Variants in HSH2D observed in about 807,000 individuals in gnomAD.
HSH2D encodes the protein hematopoietic SH2 domain-containing protein.
In HSH2D, 16 loss-of-function variants were observed where a neutral mutation model predicts 21.5. The ratio of observed to expected loss-of-function variants is 0.74; its 90% CI spans 0.50 to 1.13. The LOEUF is 1.13. Ranked by LOEUF, HSH2D falls within the 50% of genes most tolerant of loss-of-function variation. The probability of loss-of-function intolerance (pLI) is 0.00; values close to 1 mark genes in which losing one functional copy is unlikely to be tolerated. For synonymous variants in HSH2D, 172 were observed against 184.7 expected, an observed-to-expected ratio of 0.93 and a Z score of 0.56; for missense variants, 418 against 441.4, an observed-to-expected ratio of 0.95 and a Z score of 0.47.
intron 2 of HSH2D, among the ~76,000 whole-genome samples, chr19:16,149,673 ATC>A (rs2145041433): frequency 6.9e-6 from 1 of 144,818 alleles, no homozygotes; most frequent in South Asian, 2.2e-4. Flanking sequence ...TGCAGCCTCT[ATC>A]TCCTGGGTTC....
At chr19:16,137,803 G>T (rs1482435731) in intron 1 of HSH2D, among the ~76,000 whole-genome samples, 2 of 151,994 alleles carry the variant, frequency 1.3e-5, no homozygotes, top group Admixed American at 1.3e-4. Context: ...GTCTTGAACT[G>T]GCCTCAAGTG....
intron 2 of HSH2D, among the ~76,000 whole-genome samples, chr19:16,151,285 A>G (rs1305228048): frequency 6.7e-6 from 1 of 149,324 alleles, no homozygotes; most frequent in African/African-American, 2.5e-5. Context: ...AGATTGCATC[A>G]TTGCACTCCA....
intron 1 of HSH2D, 133 bp downstream of exon 1, chr19:16,143,907 G>A (rs531704908): frequency 3.5e-4 from 93 of 267,010 alleles, no homozygotes; most frequent in African/African-American, 1.9e-3. Context: ...AGAGCTTCGT[G>A]GAGGAGGGGG....
chr19:16,138,681 C>T (rs1250128401), intron 1 of HSH2D, among the ~76,000 whole-genome samples: 1 of 151,986 alleles, frequency 6.6e-6, no homozygotes, highest in African/African-American at 2.4e-5. Context: ...TGGTCTCGAT[C>T]CCTTGACTTC....
chr19:16,144,210 C>A (rs368199656), intron 1 of HSH2D, among the ~76,000 whole-genome samples: 43 of 152,002 alleles, frequency 2.8e-4, no homozygotes, highest in East Asian at 1.4e-3. Context: ...AACACAGGAA[C>A]CTAGCCCTAA....
chr19:16,154,873 A>G, intron 5 of HSH2D: 1 of 184,146 alleles, frequency 5.4e-6, no homozygotes, highest in Non-Finnish European at 1.2e-5. Context: ...CCCAGACCTA[A>G]AGCAACACCT....
chr19:16,152,703 G>A, intron 3 of HSH2D, 62 bp downstream of exon 3: 2 of 1,213,736 alleles, frequency 1.6e-6, no homozygotes, highest in Non-Finnish European at 2.4e-6. Flanking sequence ...CTTGGAGGGG[G>A]CAAGGGGTGC....
Position 16,157,415 on chromosome 19 carries a change from CT to C in HSH2D, c.681del (p.Val228Ter), listed in dbSNP as rs779580104. 4 of 1,613,962 alleles carry C rather than the reference CT, an allele frequency of 2.5e-6. No homozygotes were observed. ...CAGCAGCTAAAAAGCCACCTCGCCA[CT>C]GTGAACTTGTCGTCACTCTTGGATG... is the stretch of plus-strand genomic sequence containing the variant. ...VRQQLKSHLA[T>X]VNLSSLLDVR... On this transcript the variant is annotated frameshift_variant, in exon 6 of 6. Coordinates refer to ENST00000613986, the MANE Select transcript of HSH2D (RefSeq NM_001382417.1). LOFTEE classifies it low-confidence loss of function (END_TRUNC). The surrounding 1 kb of genome is among the most constrained non-coding windows in gnomAD (Gnocchi z 4.4).
Position 16,154,408 on chromosome 19 carries a change from G to A in HSH2D, c.391G>A (p.Ala131Thr), listed in dbSNP as rs1404486878. 12 of 1,550,230 alleles carry A rather than the reference G, an allele frequency of 7.7e-6. No individual in the cohort carries two copies. In the South Asian group the frequency reaches 1.1e-4, roughly 14 times the overall value. Residue 131 changes from alanine (A) to threonine (T), a missense_variant, in exon 5 of 6, where the codon GCA becomes ACA. Physicochemically the swap from Ala to Thr is moderately conservative, Grantham distance 58. Transcript: ENST00000613986. ...CCCTTCCGCCCTGCAGAAGGATCCCGCAAACGTGGATTACGAGGATCTCTT... is the reference window on the plus strand; with the variant it reads ...CCCTTCCGCCCTGCAGAAGGATCCCACAAACGTGGATTACGAGGATCTCTT... The part of the protein sequence containing the change: ...LTQPCRQKDP[A>T]NVDYEDLFLY...
At chr19:16,136,854 A>G (rs2090967448) in intron 1 of HSH2D, among the ~76,000 whole-genome samples, 1 of 152,210 alleles carries the variant, frequency 6.6e-6, no homozygotes, top group Non-Finnish European at 1.5e-5. Context: ...TATAACACCT[A>G]GTCCAACCAA....
chr19:16,152,617 ATG>A lies in HSH2D; in HGVS notation c.194_195del (p.Val65GlyfsTer22). ...TTTCTCATCAGGGTCAGTCACAGCC[ATG>A]TGGGCTACACACTCTCCTACAAGTA... On this transcript the variant is annotated frameshift_variant, in exon 3 of 6. Coordinates refer to ENST00000613986, the MANE Select transcript of HSH2D (RefSeq NM_001382417.1). LOFTEE classifies it high-confidence loss of function. 1 of 1,524,998 alleles carries A rather than the reference ATG, an allele frequency of 6.6e-7. No homozygotes were observed. The highest frequency in any genetic ancestry group is 2.3e-5 in the East Asian group (1 of 44,018). 94.5% of individuals were successfully genotyped at this position (1,524,998 alleles called of 1,614,324 possible).
chr19:16,157,514 C>G lies in HSH2D; in HGVS notation c.779C>G (p.Ser260Trp). Reference protein sequence around the residue: ...GSQDHSGDPTSGDRGYTDPCV... With the variant: ...GSQDHSGDPTWGDRGYTDPCV... ...CAAGATCACTCAGGGGATCCCACCTCGGGGGACAGAGGCTACACGGATCCC... is the reference window on the plus strand; with the variant it reads ...CAAGATCACTCAGGGGATCCCACCTGGGGGGACAGAGGCTACACGGATCCC... Residue 260 changes from serine to tryptophan, a missense_variant, in exon 6 of 6, where the codon TCG (serine) becomes TGG (tryptophan). Physicochemically the swap from Ser to Trp is radical, Grantham distance 177. Transcript: ENST00000613986. This position sits in a 1 kb window ranked among gnomAD's most constrained non-coding sequence, Gnocchi z 4.4. 6.2e-7 allele frequency: 1 copy of G among 1,613,962 alleles called. No homozygotes were observed. The highest frequency in any genetic ancestry group is 1.3e-5 in the African/African-American group (1 of 75,056).
chr19:16,145,263 A>G (rs2145028034), intron 1 of HSH2D, among the ~76,000 whole-genome samples: 1 of 151,970 alleles, frequency 6.6e-6, no homozygotes, highest in East Asian at 1.9e-4. Context: ...CCCAGGCTGG[A>G]GTGCAGTGGC....
intron 5 of HSH2D, among the ~76,000 whole-genome samples, chr19:16,155,313 G>A (rs1199538117): frequency 1.3e-5 from 2 of 152,116 alleles, no homozygotes; most frequent in East Asian, 3.9e-4. Context: ...CTTCCTAGAG[G>A]AGGTGGCTTA....
At chr19:16,139,536 G>T (rs759876865), upstream of HSH2D, among the ~76,000 whole-genome samples, 8 of 152,134 alleles carry the variant, frequency 5.3e-5, no homozygotes, top group Non-Finnish European at 1.2e-4. Context: ...GAGCTATGAT[G>T]GCACAGTGCA....
chr19:16,135,409 A>G (rs1478947616), intron 1 of HSH2D, among the ~76,000 whole-genome samples: 1 of 151,950 alleles, frequency 6.6e-6, no homozygotes, highest in Non-Finnish European at 1.5e-5. Context: ...AGCCTGGGTG[A>G]CAGAGCAAGA....
chr19:16,137,240 G>T (rs541778008), intron 1 of HSH2D, among the ~76,000 whole-genome samples: 1 of 152,210 alleles, frequency 6.6e-6, no homozygotes, highest in Admixed American at 6.5e-5. Flanking sequence ...GGAGGCACAG[G>T]TACATACATA....
At position 16,148,792 on chromosome 19, in the gene HSH2D, G is replaced by T; in HGVS notation, c.42G>T (p.Arg14=). ...AGCTGCCCCTACCGCTACCCCCACG[G>T]CTGGACTGGTTTGTGCACACCCAGA... ...AGKLPLPLPP[R]LDWFVHTQMG... is the part of the protein sequence containing the mutation. Residue 14 remains arginine (R), a synonymous_variant, in exon 2 of 6, where the codon CGG becomes CGT. Coordinates refer to ENST00000613986, the MANE Select transcript of HSH2D (RefSeq NM_001382417.1). 6.2e-7 allele frequency: 1 copy of T among 1,613,840 alleles called. No homozygotes were observed. The highest frequency in any genetic ancestry group is 8.5e-7 in the Non-Finnish European group (1 of 1,179,856).
At chr19:16,136,435 C>T (rs544756798) in intron 1 of HSH2D, among the ~76,000 whole-genome samples, 1 of 152,202 alleles carries the variant, frequency 6.6e-6, no homozygotes, top group East Asian at 1.9e-4. Context: ...ACTCAAGACC[C>T]ACGGTGATAG....
Sources: allele counts gnomAD v4.1 joint callset (sites outside exome capture counted in the v4.1 genomes callset), GRCh38; gene constraint gnomAD v4.1.1; non-coding constraint Gnocchi (gnomAD v3.1); transcripts MANE v1.5; gene names NCBI Gene and HGNC (gene_info 2026-07-23, HGNC 2026-07-21).